Variants in PTPRT observed in about 807,000 individuals in gnomAD.
PTPRT encodes the protein receptor-type tyrosine-protein phosphatase T.
PTPRT carries 56 observed loss-of-function variants against 176.8 expected under a neutral mutation model. The ratio of observed to expected loss-of-function variants is 0.32; its 90% CI spans 0.26 to 0.40. The LOEUF is 0.40. PTPRT is among the 10% of genes least tolerant of loss of function. PTPRT has a pLI of 1.00. For missense variants in PTPRT, 1,540 were observed against 1,908.2 expected, an observed-to-expected ratio of 0.81 and a Z score of 3.60; for synonymous variants, 783 against 739.0, an observed-to-expected ratio of 1.06 and a Z score of -0.96.
intron 5 of PTPRT, 61 bp downstream of exon 5, chr20:42,771,374 C>T: frequency 7.0e-7 from 1 of 1,430,732 alleles, no homozygotes; most frequent in East Asian, 2.3e-5. Flanking sequence ...TGCTTCCTTC[C>T]AGTCCTTCTT....
At chr20:42,060,256 G>C in the PTPRT span, among the ~76,000 whole-genome samples, 1 of 152,114 alleles carries the variant, frequency 6.6e-6, no homozygotes, top group South Asian at 2.1e-4. Context: ...ACATTGGACT[G>C]GATATCAAAA....
chr20:42,816,741 G>A (rs2077793751), intron 2 of PTPRT, among the ~76,000 whole-genome samples: 1 of 152,202 alleles, frequency 6.6e-6, no homozygotes, highest in Non-Finnish European at 1.5e-5. Flanking sequence ...TCCAAGCCAT[G>A]CTTCCTGTTA....
intron 7 of PTPRT, among the ~76,000 whole-genome samples, chr20:42,483,273 C>A (rs35595028): frequency 0.092 from 14,002 of 152,208 alleles, 829 homozygotes; most frequent in Non-Finnish European, 0.13. Context: ...TCAAGGGATT[C>A]GCCTGCCTCT....
At chr20:42,354,352 C>T (rs1005795023) in intron 9 of PTPRT, among the ~76,000 whole-genome samples, 3 of 152,010 alleles carry the variant, frequency 2.0e-5, no homozygotes, top group African/African-American at 7.2e-5. Context: ...ATCATTATGT[C>T]CATGGGATTC....
Position 42,406,934 on chromosome 20 carries a change from C to A in PTPRT, c.1560+41286G>T, listed in dbSNP as rs115298607. Among the ~76,000 whole-genome samples, 590 of 152,276 alleles carry A rather than the reference C, an allele frequency of 3.9e-3. 3 individuals are homozygous for A. Among genetic ancestry groups the A allele is most frequent in the African/African-American group, 0.014 (576 of 41,568 alleles). ...TTGTGCCACCCAGTAGCTATTTTCC[C>A]TTCTTCTGGTGACTGATACCAAAGC... On this transcript the variant is annotated intron_variant, in intron 9 of 30. Transcript: ENST00000373187.
rs1213469640 is a variant in PTPRT at position 42,263,470 on chromosome 20, T to C, written c.2177-14648A>G. On this transcript the variant is annotated intron_variant, in intron 13 of 30. Coordinates refer to ENST00000373187, the MANE Select transcript of PTPRT (RefSeq NM_007050.6). ...ATCTCGGCTCGCTGCAACCTCCACC[T>C]CCCGGCTTCAAGTGATTCTCCTGCC... Among the ~76,000 whole-genome samples the C allele has an allele frequency of 1.2e-4, 15 of 128,030 alleles. 1 individual carries two copies. The highest frequency in any genetic ancestry group is 4.5e-4 in the African/African-American group (15 of 33,150). 84.0% of individuals were successfully genotyped at this position (128,030 alleles called of 152,430 possible). A position where few individuals can be genotyped will look rare whatever the true frequency, so the allele number is the denominator to read the frequency against.
chr20:43,146,528 C>T (rs17750956), intron 1 of PTPRT, among the ~76,000 whole-genome samples: 5,667 of 149,696 alleles, frequency 0.038, 137 homozygotes, highest in Non-Finnish European at 0.052. Context: ...GTGGATGTCA[C>T]GACAAAATAA....
At chr20:42,441,836 G>T (rs1216981554) in intron 9 of PTPRT, among the ~76,000 whole-genome samples, 2 of 152,216 alleles carry the variant, frequency 1.3e-5, no homozygotes, top group Non-Finnish European at 2.9e-5. Context: ...TACCAGCCTG[G>T]CTCGAGTTAT....
At position 42,199,246 on chromosome 20, in the gene PTPRT, C is replaced by T. The variant is rs201911869; in HGVS notation, c.2485G>A (p.Gly829Arg). The T allele has an allele frequency of 9.5e-5, 154 of 1,613,842 alleles. No homozygotes were observed. Among genetic ancestry groups the T allele is most frequent in the Non-Finnish European group, 1.2e-4 (139 of 1,179,930 alleles). The change falls in exon 16 of 31, where the codon GGA becomes AGA. Residue 829 changes from glycine to arginine, a missense_variant. By Grantham distance (125) the Gly-to-Arg change is moderately radical. Transcript: ENST00000373187. ...GFSSSSQDVN[G>R]FTDGSRGELS... ...CTTTGTTGGCTCTACTTACTGAATC[C>T]GTTGACGTCCTGAGAACTAGAAGAG...
intron 15 of PTPRT, 75 bp downstream of exon 15, chr20:42,236,154 G>A: frequency 7.8e-7 from 1 of 1,276,598 alleles, no homozygotes; most frequent in African/African-American, 1.5e-5. Flanking sequence ...ACAGACACTT[G>A]GTTGGTGCAG....
At chr20:43,073,480 TAC>T (rs11471693) in intron 1 of PTPRT, among the ~76,000 whole-genome samples, 27 of 149,692 alleles carry the variant, frequency 1.8e-4, no homozygotes, top group Admixed American at 4.6e-4. Flanking sequence ...TATATATATA[TAC>T]ACACACACAC....
intron 6 of PTPRT, among the ~76,000 whole-genome samples, chr20:42,719,135 G>A (rs1359041987): frequency 6.6e-5 from 10 of 152,194 alleles, no homozygotes; most frequent in Non-Finnish European, 1.0e-4. Context: ...AGAACATGTT[G>A]AGTTGAAGTG....
intron 20 of PTPRT, among the ~76,000 whole-genome samples, chr20:42,119,668 C>T (rs1987482407): frequency 6.6e-6 from 1 of 152,188 alleles, no homozygotes; most frequent in African/African-American, 2.4e-5. Context: ...ACTCATGGGC[C>T]TTTTTCCTAT....
chr20:42,409,407 G>A (rs1361617978), intron 9 of PTPRT, among the ~76,000 whole-genome samples: 3 of 144,234 alleles, frequency 2.1e-5, no homozygotes, highest in African/African-American at 5.2e-5. Context: ...GCTTGAACCC[G>A]GGAGGTGGAA....
chr20:42,948,002 T>G (rs946002305), intron 1 of PTPRT, among the ~76,000 whole-genome samples: 2 of 152,210 alleles, frequency 1.3e-5, no homozygotes, highest in Non-Finnish European at 2.9e-5. Flanking sequence ...AATGAATGAA[T>G]GAATGAATGA....
chr20:42,204,193 G>C (rs1405774448), intron 15 of PTPRT, among the ~76,000 whole-genome samples: 1 of 152,132 alleles, frequency 6.6e-6, no homozygotes, highest in African/African-American at 2.4e-5. Context: ...CGGTAACTTA[G>C]CATTTCCTTC....
At chr20:43,044,481 A>G (rs1285850323) in intron 1 of PTPRT, among the ~76,000 whole-genome samples, 1 of 152,202 alleles carries the variant, frequency 6.6e-6, no homozygotes, top group East Asian at 1.9e-4. Flanking sequence ...TAAGGTCCTC[A>G]GAAACAAACT....
chr20:43,062,191 C>A (rs1987491550), intron 1 of PTPRT, among the ~76,000 whole-genome samples: 1 of 152,128 alleles, frequency 6.6e-6, no homozygotes, highest in Non-Finnish European at 1.5e-5. Flanking sequence ...GCACATTGGT[C>A]AAAACCAAAA....
chr20:43,165,875 G>A (rs2014845212), intron 1 of PTPRT, among the ~76,000 whole-genome samples: 1 of 152,144 alleles, frequency 6.6e-6, no homozygotes. Context: ...AAGCAGTCTG[G>A]AGCAAACCAT....
Sources: gnomAD v4.1 joint callset for allele counts (sites outside exome capture counted in the v4.1 genomes callset) on GRCh38, gnomAD v4.1.1 for gene constraint, MANE v1.5 for transcripts, NCBI Gene and HGNC (gene_info 2026-07-23, HGNC 2026-07-21) for gene names.